The following ZIC5 variants were observed in gnomAD, a reference collection of about 807,000 sequenced individuals.
ZIC5 encodes Zic family zinc finger 5, also known as zinc finger protein ZIC 5.
A neutral mutation model predicts 28.5 loss-of-function variants in ZIC5; 20 were observed. The ratio of observed to expected loss-of-function variants is 0.70; its 90% CI spans 0.49 to 1.02. The LOEUF is 1.02. ZIC5 is among the 50% of genes least tolerant of loss of function. ZIC5 has a pLI of 0.00. For synonymous variants in ZIC5, 488 were observed against 410.4 expected, an observed-to-expected ratio of 1.19 and a Z score of -2.29; for missense variants, 951 against 899.7, an observed-to-expected ratio of 1.06 and a Z score of -0.73.
intron 1 of ZIC5, among the ~76,000 whole-genome samples, chr13:99,968,264 GGTTGGA>G (rs2053115689): frequency 6.6e-6 from 1 of 152,230 alleles, no homozygotes; most frequent in South Asian, 2.1e-4. Context: ...ACCAAGCGCG[GGTTGGA>G]GTCTGAACCC....
rs1274898456 is a variant in ZIC5 at position 99,971,044 on chromosome 13, G to T, written c.560C>A (p.Ala187Asp). The T allele has an allele frequency of 4.2e-6, 6 of 1,423,916 alleles. No individual in the cohort carries two copies. The highest frequency in any genetic ancestry group is 5.4e-6 in the Non-Finnish European group (6 of 1,100,924). The allele number at this position is 1,423,916 out of a possible 1,614,324, so 88.2% of individuals were successfully genotyped here. Reference sequence around the variant, plus strand: ...CCCTCCGAGCGGGGCCCCGTGCATGGCCGCCGCGGGGGCCGTGGCGGAAAG... The same window carrying T: ...CCCTCCGAGCGGGGCCCCGTGCATGTCCGCCGCGGGGGCCGTGGCGGAAAG... ...RDLSATAPAA[A>D]MHGAPLGGEQ... Residue 187 changes from alanine to aspartate, a missense_variant, in exon 1 of 2, where the codon GCC becomes GAC. Around this residue, in one of 3 missense-constraint regions of ZIC5, gnomAD observed 784 missense variants for 660.1 expected, o/e 1.19. Transcript: ENST00000267294.
Position 99,970,791 on chromosome 13 carries a change from C to T in ZIC5, c.813G>A (p.Glu271=). ...LAAAAAAAAA[E]LYGRAEPPFA... is the part of the protein sequence containing the mutation. ...AGGGCGGTTCGGCGCGGCCGTACAG[C>T]TCAGCCGCCGCGGCTGCCGCTGCCG... is the stretch of plus-strand genomic sequence containing the variant. Residue 271 remains glutamate, a synonymous_variant, in exon 1 of 2, where the codon GAG becomes GAA. Coordinates refer to ENST00000267294, the MANE Select transcript of ZIC5 (RefSeq NM_033132.5). 8.4e-7 allele frequency: 1 copy of T among 1,197,368 alleles called. No homozygotes were observed. The highest frequency in any genetic ancestry group is 1.0e-6 in the Non-Finnish European group (1 of 969,946). 74.2% of individuals were successfully genotyped at this position (1,197,368 alleles called of 1,614,324 possible).
At chr13:99,967,853 C>T (rs966898870) in intron 1 of ZIC5, among the ~76,000 whole-genome samples, 1 of 152,218 alleles carries the variant, frequency 6.6e-6, no homozygotes, top group African/African-American at 2.4e-5. Flanking sequence ...GGGGAATAAG[C>T]AAATTCTACC....
Position 99,971,738 on chromosome 13 carries a change from C to A in ZIC5, c.-135G>T. On this transcript the variant is annotated 5_prime_UTR_variant, in exon 1 of 2. Coordinates refer to ENST00000267294, the MANE Select transcript of ZIC5 (RefSeq NM_033132.5). ...CCTCTTAACTCTGCTTATTCCTGTT[C>A]CCACTCTATCCTCCAGCGATTGGCA... 3 of 1,538,882 alleles carry A rather than the reference C, an allele frequency of 1.9e-6. No homozygotes were observed. Among genetic ancestry groups the A allele is most frequent in the Non-Finnish European group, 2.6e-6 (3 of 1,137,418 alleles).
In ZIC5 at chr13:99,970,491, C is replaced by T; in HGVS notation, c.1113G>A (p.Glu371=). The T allele has an allele frequency of 1.9e-5, 21 of 1,130,754 alleles. No individual in the cohort carries two copies. Among genetic ancestry groups the T allele is most frequent in the Non-Finnish European group, 2.1e-5 (19 of 915,664 alleles). 70.0% of individuals were successfully genotyped at this position (1,130,754 alleles called of 1,614,324 possible). ...CGGGGTCGATCCACTTGCAGATGAG[C>T]TCCTGCTTGATTGGCTGCCGCATGT... The part of the protein sequence containing the change: ...LRYMRQPIKQ[E]LICKWIDPDE... Residue 371 remains glutamate, a synonymous_variant, in exon 1 of 2, where the codon GAG becomes GAA. Coordinates refer to ENST00000267294, the MANE Select transcript of ZIC5 (RefSeq NM_033132.5).
chr13:99,971,284 G>C lies in ZIC5; in HGVS notation c.320C>G (p.Pro107Arg). 7.4e-7 allele frequency: 1 copy of C among 1,344,766 alleles called. No individual in the cohort carries two copies. Among genetic ancestry groups the C allele is most frequent in the South Asian group, 1.9e-5 (1 of 51,422 alleles). The allele number at this position is 1,344,766 out of a possible 1,614,324, so 83.3% of individuals were successfully genotyped here. ...GCCGCAGGGGTAGCTGCCCGCGCCG[G>C]GGTGCGCGACCAAGGCTGCAGCACG... Reference protein sequence around the residue: ...AARAAALVAHPGAGSYPCGGG... With the variant: ...AARAAALVAHRGAGSYPCGGG... The change falls in exon 1 of 2, where the codon CCC (proline) becomes CGC (arginine). Residue 107 changes from proline (P) to arginine (R), a missense_variant. By Grantham distance (103) the Pro-to-Arg change is moderately radical. Coordinates refer to ENST00000267294, the MANE Select transcript of ZIC5 (RefSeq NM_033132.5).
chr13:99,966,813 A>G (rs1185104551), intron 1 of ZIC5, among the ~76,000 whole-genome samples: 3 of 152,216 alleles, frequency 2.0e-5, no homozygotes, highest in African/African-American at 7.2e-5. Flanking sequence ...ACTTAATAAG[A>G]CAACTAGAGA....
chr13:99,964,780 A>T lies in ZIC5; in HGVS notation c.*597T>A, dbSNP rs2053083961. The T allele has an allele frequency of 2.8e-5, 3 of 105,384 alleles. No homozygotes were observed. Among genetic ancestry groups the T allele is most frequent in the African/African-American group, 8.8e-5 (3 of 34,050 alleles). 6.5% of individuals were successfully genotyped at this position (105,384 alleles called of 1,614,324 possible). A position where few individuals can be genotyped will look rare whatever the true frequency, so the allele number is the denominator to read the frequency against. On this transcript the variant is annotated 3_prime_UTR_variant, in exon 2 of 2. Transcript: ENST00000267294. ...AATATTAAACTCAAAGGGTTTTTAC[A>T]AATGTTTTTGGACACAGGTACGGAA... is the stretch of plus-strand genomic sequence containing the variant.
rs2053079848 is a variant in ZIC5, at chr13:99,964,312, T to C, written c.*1065A>G. The C allele has an allele frequency of 6.6e-6, 1 of 152,178 alleles. No homozygotes were observed. 9.4% of individuals were successfully genotyped at this position (152,178 alleles called of 1,614,324 possible). Reference sequence around the variant, plus strand: ...CTGATACAACAGTATAAAAGAGGTGTTGGCCTGTTTTAAAAACAACAGCTT... The same window carrying C: ...CTGATACAACAGTATAAAAGAGGTGCTGGCCTGTTTTAAAAACAACAGCTT... On this transcript the variant is annotated 3_prime_UTR_variant, in exon 2 of 2. Transcript: ENST00000267294.
At position 99,971,252 on chromosome 13, in the gene ZIC5, T is replaced by C; in HGVS notation, c.352A>G (p.Ser118Gly). The C allele has an allele frequency of 7.6e-7, 1 of 1,308,974 alleles. No homozygotes were observed. Among genetic ancestry groups the C allele is most frequent in the South Asian group, 2.2e-5 (1 of 44,844 alleles). 81.1% of individuals were successfully genotyped at this position (1,308,974 alleles called of 1,614,324 possible). ...GGCGCGGAGGGCTGCGCGCCACTGC[T>C]GCCCCCGCCGCAGGGGTAGCTGCCC... ...GAGSYPCGGG[S>G]SGAQPSAPPP... is the part of the protein sequence containing the mutation. Residue 118 changes from serine (S) to glycine (G), a missense_variant, in exon 1 of 2, where the codon AGC (serine) becomes GGC (glycine). By Grantham distance (56) the Ser-to-Gly change is moderately conservative (BLOSUM62 0). Transcript: ENST00000267294.
At chr13:99,968,975 G>A (rs1390156110) in intron 1 of ZIC5, among the ~76,000 whole-genome samples, 1 of 152,230 alleles carries the variant, frequency 6.6e-6, no homozygotes, top group Non-Finnish European at 1.5e-5. Context: ...GGCCGCAGCA[G>A]CGCCGATAAA....
intron 1 of ZIC5, among the ~76,000 whole-genome samples, chr13:99,966,377 G>A (rs1384573790): frequency 6.6e-6 from 1 of 152,170 alleles, no homozygotes; most frequent in South Asian, 2.1e-4. Flanking sequence ...AAGGAGAGGG[G>A]CATCAGGAGA....
intron 1 of ZIC5, among the ~76,000 whole-genome samples, chr13:99,966,856 G>C (rs1433454820): frequency 6.6e-6 from 1 of 152,148 alleles, no homozygotes; most frequent in East Asian, 1.9e-4. Context: ...GTGTTAAACA[G>C]CAAGAAAAGG....
chr13:99,964,655 T>G lies in ZIC5; in HGVS notation c.*722A>C, dbSNP rs2053082829. 2.6e-5 allele frequency: 4 copies of G among 152,634 alleles called. No homozygotes were observed. The South Asian group carries it at 8.3e-4, about 32-fold the overall frequency. 9.5% of individuals were successfully genotyped at this position (152,634 alleles called of 1,614,324 possible). ...AGATATATTAAGGTTGCTGCATCTT[T>G]TTTTAAAATCACACAGTAGGATACT... On this transcript the variant is annotated 3_prime_UTR_variant, in exon 2 of 2. Coordinates refer to ENST00000267294, the MANE Select transcript of ZIC5 (RefSeq NM_033132.5).
chr13:99,968,240 G>A (rs1436026824), intron 1 of ZIC5, among the ~76,000 whole-genome samples: 1 of 152,196 alleles, frequency 6.6e-6, no homozygotes, highest in African/African-American at 2.4e-5. Flanking sequence ...AGCGGCCCAG[G>A]GACCGCCAGA....
In ZIC5 at chr13:99,971,490, C is replaced by T. The variant is rs764677840; in HGVS notation, c.114G>A (p.Pro38=). 25 of 1,449,032 alleles carry T rather than the reference C, an allele frequency of 1.7e-5. No individual in the cohort carries two copies. The African/African-American group carries it at 3.0e-4, about 18-fold the overall frequency. 89.8% of individuals were successfully genotyped at this position (1,449,032 alleles called of 1,614,324 possible). A position where few individuals can be genotyped will look rare whatever the true frequency, so the allele number is the denominator to read the frequency against. Reference sequence around the variant, plus strand: ...CGGCCCGGAGTTGGGAGTGGGCGGGCGGGCCGGCCAGCGCCGGGAAGCCTG... The same window carrying T: ...CGGCCCGGAGTTGGGAGTGGGCGGGTGGGCCGGCCAGCGCCGGGAAGCCTG... ...NMTGFPALAG[P]PAHSQLRAAV... is the part of the protein sequence containing the mutation. The change falls in exon 1 of 2, where the codon CCG becomes CCA. Residue 38 remains proline, a synonymous_variant. Transcript: ENST00000267294.
Position 99,965,324 on chromosome 13 carries a change from G to A in ZIC5, c.*53C>T, listed in dbSNP as rs2053091074. The stretch of plus-strand genomic sequence containing the variant: ...GCTCGGCATTGTCTCAGGTTAGGAT[G>A]TGGTCCAAGGACTCCCACTTATTAT... On this transcript the variant is annotated 3_prime_UTR_variant, in exon 2 of 2. Transcript: ENST00000267294. The A allele has an allele frequency of 2.0e-6, 3 of 1,529,878 alleles. No individual in the cohort carries two copies. The highest frequency in any genetic ancestry group is 2.6e-6 in the Non-Finnish European group (3 of 1,134,210). 94.8% of individuals were successfully genotyped at this position (1,529,878 alleles called of 1,614,324 possible). A position where few individuals can be genotyped will look rare whatever the true frequency, so the allele number is the denominator to read the frequency against.
chr13:99,971,138 T>G lies in ZIC5; in HGVS notation c.466A>C (p.Thr156Pro). Residue 156 changes from threonine to proline, a missense_variant, in exon 1 of 2, where the codon ACC (threonine) becomes CCC (proline). This residue lies in a region of ZIC5 where 784 missense variants were observed against 660.1 expected (regional missense o/e 1.19). Transcript: ENST00000267294. ...PPPPALSGYTTTNSGGGGSSG... is the reference protein window; with the variant it reads ...PPPPALSGYTPTNSGGGGSSG... ...CTGCCGCCGCCGCCACTGTTGGTGG[T>G]GGTGTAGCCCGAGAGGGCAGGAGGA... 1 of 1,284,230 alleles carries G rather than the reference T, an allele frequency of 7.8e-7. No individual in the cohort carries two copies. The highest frequency in any genetic ancestry group is 9.9e-7 in the Non-Finnish European group (1 of 1,013,700). The allele number at this position is 1,284,230 out of a possible 1,614,324, so 79.6% of individuals were successfully genotyped here.
In ZIC5 at chr13:99,965,227, C is replaced by A; in HGVS notation, c.*150G>T. On this transcript the variant is annotated 3_prime_UTR_variant, in exon 2 of 2. Transcript: ENST00000267294. ...TTAAATTAATTAAATGTACAAACAC[C>A]ATAGGGTTTCATACTGAATAAATAG... 1 of 561,208 alleles carries A rather than the reference C, an allele frequency of 1.8e-6. No homozygotes were observed. The highest frequency in any genetic ancestry group is 3.8e-5 in the Admixed American group (1 of 26,542). 34.8% of individuals were successfully genotyped at this position (561,208 alleles called of 1,614,324 possible). A position where few individuals can be genotyped will look rare whatever the true frequency, so the allele number is the denominator to read the frequency against.
Sources: allele counts gnomAD v4.1 joint callset (sites outside exome capture counted in the v4.1 genomes callset), GRCh38; gene constraint gnomAD v4.1.1; regional missense constraint gnomAD v4.1.1; transcripts MANE v1.5; gene names NCBI Gene and HGNC (gene_info 2026-07-23, HGNC 2026-07-21).